Variants in MARCHF1 observed in about 807,000 individuals in gnomAD.
MARCHF1 encodes membrane associated ring-CH-type finger 1, also known as E3 ubiquitin-protein ligase MARCHF1.
In MARCHF1, 40 loss-of-function variants were observed where a neutral mutation model predicts 54.2. That is an observed-to-expected ratio of 0.74 (90% CI 0.57 to 0.96). MARCHF1 has a LOEUF of 0.96. Ranked by LOEUF, MARCHF1 falls within the 40% of genes least tolerant of loss-of-function variation. MARCHF1 has a pLI of 0.00. For missense variants in MARCHF1, 586 were observed against 656.5 expected (o/e 0.89, Z 1.17); for synonymous variants, 236 against 236.3 (o/e 1.00, Z 0.01).
intron 3 of MARCHF1, among the ~76,000 whole-genome samples, chr4:163,887,746 T>C (rs1750571191): frequency 1.3e-5 from 2 of 152,160 alleles, no homozygotes; most frequent in South Asian, 4.1e-4. Flanking sequence ...ACACTAAATT[T>C]TGAAGTCAAC....
chr4:163,745,456 G>A (rs147238148), intron 4 of MARCHF1, among the ~76,000 whole-genome samples: 51 of 152,000 alleles, frequency 3.4e-4, no homozygotes, highest in Non-Finnish European at 4.6e-4. Context: ...TAACATACTC[G>A]ACCCCGCTGA....
chr4:164,189,873 T>A lies in MARCHF1; in HGVS notation c.-322-78211A>T. 2.5e-6 allele frequency: 4 copies of A among 1,586,006 alleles called. No individual in the cohort carries two copies. In the South Asian group the frequency reaches 4.4e-5, roughly 18 times the overall value. On this transcript the variant is annotated intron_variant, in intron 1 of 9. Coordinates refer to ENST00000514618, the MANE Select transcript of MARCHF1 (RefSeq NM_001394959.1). ...TGGGGTCCCACAGATTGAAGTCACC[T>A]TTGAGATAGATGTGAATGGTATTCT...
chr4:164,095,406 A>G (rs756100883), intron 2 of MARCHF1, among the ~76,000 whole-genome samples: 10 of 145,694 alleles, frequency 6.9e-5, no homozygotes, highest in Non-Finnish European at 1.0e-4. Flanking sequence ...TATATTACAC[A>G]CACACACAAA....
intron 4 of MARCHF1, among the ~76,000 whole-genome samples, chr4:163,805,088 T>C (rs1748187267): frequency 6.6e-6 from 1 of 152,162 alleles, no homozygotes; most frequent in Non-Finnish European, 1.5e-5. Flanking sequence ...ATGATATATA[T>C]ACATATGTAC....
At chr4:164,186,254 T>G (rs1367246022) in intron 1 of MARCHF1, among the ~76,000 whole-genome samples, 1 of 152,186 alleles carries the variant, frequency 6.6e-6, no homozygotes, top group Admixed American at 6.5e-5. Flanking sequence ...ATCACCAACG[T>G]GAATAACGTG....
At chr4:163,994,596 A>T (rs1294969249) in intron 2 of MARCHF1, among the ~76,000 whole-genome samples, 1 of 151,936 alleles carries the variant, frequency 6.6e-6, no homozygotes, top group African/African-American at 2.4e-5. Flanking sequence ...AAAAAGAAAG[A>T]AGTAGTAGTT....
At chr4:163,866,977 G>A (rs1205604205) in intron 3 of MARCHF1, among the ~76,000 whole-genome samples, 1 of 151,822 alleles carries the variant, frequency 6.6e-6, no homozygotes, top group Non-Finnish European at 1.5e-5. Flanking sequence ...GAGTTTTGGT[G>A]CCTATATTTT....
intron 4 of MARCHF1, among the ~76,000 whole-genome samples, chr4:163,745,420 T>C (rs531213674): frequency 2.0e-5 from 3 of 152,214 alleles, no homozygotes; most frequent in Admixed American, 2.0e-4. Flanking sequence ...GCCACCATGC[T>C]TGTTTTTTAA....
At chr4:163,550,908 G>A (rs1560936752) in intron 8 of MARCHF1, among the ~76,000 whole-genome samples, 1 of 152,124 alleles carries the variant, frequency 6.6e-6, no homozygotes, top group East Asian at 1.9e-4. Context: ...CACGGAATCA[G>A]AAACTCTGGC....
At chr4:164,014,416 A>G (rs1753493623) in intron 2 of MARCHF1, among the ~76,000 whole-genome samples, 1 of 152,176 alleles carries the variant, frequency 6.6e-6, no homozygotes, top group African/African-American at 2.4e-5. Flanking sequence ...TAAAAATAGA[A>G]AGCAAGAAAT....
chr4:163,716,740 C>A (rs1745269983), intron 4 of MARCHF1, among the ~76,000 whole-genome samples: 1 of 152,156 alleles, frequency 6.6e-6, no homozygotes, highest in African/African-American at 2.4e-5. Flanking sequence ...TATCACCTAA[C>A]AATCAAAATG....
At chr4:163,994,754 C>CACACACACACAA (rs1200742054) in intron 2 of MARCHF1, among the ~76,000 whole-genome samples, 9 of 122,232 alleles carry the variant, frequency 7.4e-5, no homozygotes, top group African/African-American at 2.8e-4. Context: ...CACACACACA[C>CACACACACACAA]ACACACACAC....
intron 1 of MARCHF1, among the ~76,000 whole-genome samples, chr4:164,117,536 C>T (rs1755963106): frequency 6.6e-6 from 1 of 151,926 alleles, no homozygotes; most frequent in African/African-American, 2.4e-5. Context: ...TACCCATATT[C>T]CATAGCACAA....
At chr4:164,264,539 T>C (rs866132086) in intron 1 of MARCHF1, among the ~76,000 whole-genome samples, 2 of 151,756 alleles carry the variant, frequency 1.3e-5, no homozygotes, top group Admixed American at 6.6e-5. Flanking sequence ...ATATGTAATA[T>C]GAAAAACACA....
chr4:163,737,973 G>T lies in MARCHF1; in HGVS notation c.112-37110C>A, dbSNP rs1244751371. 2.6e-5 allele frequency among the ~76,000 whole-genome samples: 2 copies of T among 76,322 alleles called. 1 individual carries two copies. Among genetic ancestry groups the T allele is most frequent in the Non-Finnish European group, 9.3e-5 (2 of 21,618 alleles). The allele number at this position is 76,322 out of a possible 152,430, so 50.1% of individuals were successfully genotyped here. A position where few individuals can be genotyped will look rare whatever the true frequency, so the allele number is the denominator to read the frequency against. On this transcript the variant is annotated intron_variant, in intron 4 of 9. Coordinates refer to ENST00000514618, the MANE Select transcript of MARCHF1 (RefSeq NM_001394959.1). The stretch of plus-strand genomic sequence containing the variant: ...ACACATGCACACGTATGTTTATTGC[G>T]GCACTATTCGCAGCTTTTTTCAATT...
intron 4 of MARCHF1, among the ~76,000 whole-genome samples, chr4:163,720,240 A>G (rs937260402): frequency 1.3e-5 from 2 of 152,224 alleles, no homozygotes; most frequent in African/African-American, 4.8e-5. Flanking sequence ...TCAGCTTTCT[A>G]CATATGGCTA....
intron 1 of MARCHF1, among the ~76,000 whole-genome samples, chr4:164,172,767 G>T (rs1204580988): frequency 6.6e-6 from 1 of 152,120 alleles, no homozygotes; most frequent in Non-Finnish European, 1.5e-5. Context: ...CAAGAGGTCA[G>T]GAGACCGAGA....
At chr4:164,263,139 C>CGTGT (rs148563010) in intron 1 of MARCHF1, among the ~76,000 whole-genome samples, 8 of 148,832 alleles carry the variant, frequency 5.4e-5, no homozygotes, top group African/African-American at 9.8e-5. Context: ...TGTACGCGTG[C>CGTGT]GTGTGTGTGT....
intron 3 of MARCHF1, among the ~76,000 whole-genome samples, chr4:163,960,925 GC>G (rs1268262641): frequency 1.3e-5 from 2 of 151,762 alleles, no homozygotes; most frequent in Non-Finnish European, 2.9e-5. Context: ...TTCTGGTGAG[GC>G]CTCATTTTCT....
Sources: gnomAD v4.1 joint callset for allele counts (sites outside exome capture counted in the v4.1 genomes callset) on GRCh38, gnomAD v4.1.1 for gene constraint, MANE v1.5 for transcripts, NCBI Gene and HGNC (gene_info 2026-07-23, HGNC 2026-07-21) for gene names.